CARMIL1: variants seen among roughly 807,000 people sequenced by gnomAD.
The protein encoded by CARMIL1 is F-actin-uncapping protein LRRC16A.
CARMIL1 carries 90 observed loss-of-function variants against 177.1 expected under a neutral mutation model. The ratio of observed to expected loss-of-function variants is 0.51; its 90% CI spans 0.43 to 0.61. The LOEUF (loss-of-function observed/expected upper bound fraction) is 0.61. Among genes scored for constraint, CARMIL1 ranks in the 20% least tolerant of loss-of-function variants. The pLI is 0.00. For missense variants in CARMIL1, 1,380 were observed against 1,667.0 expected (o/e 0.83, Z 3.00); for synonymous variants, 577 against 606.2 (o/e 0.95, Z 0.71).
intron 5 of CARMIL1, 49 bp from the exon 6 acceptor site, chr6:25,449,849 A>G: frequency 9.5e-7 from 1 of 1,052,730 alleles, no homozygotes; most frequent in Non-Finnish European, 1.4e-6. Context: ...TTCTATGTGC[A>G]GTCAAAAAGT....
At chr6:25,548,762 G>A (rs1422897551) in intron 26 of CARMIL1, among the ~76,000 whole-genome samples, 3 of 152,126 alleles carry the variant, frequency 2.0e-5, no homozygotes, top group Non-Finnish European at 4.4e-5. Context: ...ATACTGATCA[G>A]GGCCATTAAA....
At chr6:25,396,116 A>G (rs1793364267) in intron 2 of CARMIL1, among the ~76,000 whole-genome samples, 1 of 152,090 alleles carries the variant, frequency 6.6e-6, no homozygotes, top group African/African-American at 2.4e-5. Flanking sequence ...TTTTGACAGC[A>G]CTACCTGGAG....
At chr6:25,549,029 G>T (rs1329873797) in intron 26 of CARMIL1, among the ~76,000 whole-genome samples, 2 of 152,202 alleles carry the variant, frequency 1.3e-5, no homozygotes, top group Admixed American at 6.5e-5. Context: ...CAGAATATTT[G>T]CTGGATTAGT....
chr6:25,383,873 C>T (rs937400877), intron 2 of CARMIL1, among the ~76,000 whole-genome samples: 1 of 152,174 alleles, frequency 6.6e-6, no homozygotes, highest in Admixed American at 6.5e-5. Context: ...GAGTCTCGCT[C>T]TGTCGCCCAG....
chr6:25,281,557 G>T (rs1423118778), intron 1 of CARMIL1, among the ~76,000 whole-genome samples: 4 of 152,150 alleles, frequency 2.6e-5, no homozygotes, highest in African/African-American at 9.7e-5. Context: ...TTTAAAAGTT[G>T]AGTTTGACCT....
At chr6:25,314,797 T>C (rs1581536307) in intron 2 of CARMIL1, among the ~76,000 whole-genome samples, 1 of 152,184 alleles carries the variant, frequency 6.6e-6, no homozygotes, top group East Asian at 1.9e-4. Flanking sequence ...AAAATAACTT[T>C]TATTTTTATG....
chr6:25,380,008 T>TTTTTTTTTTTTTTTTTTTTTTTTTTTG (rs1581738733), intron 2 of CARMIL1, among the ~76,000 whole-genome samples: 1 of 152,070 alleles, frequency 6.6e-6, no homozygotes, highest in Non-Finnish European at 1.5e-5. Context: ...TTCTGCTCTT[T>TTTTTTTTTTTTTTTTTTTTTTTTTTTG]AAGGACTCTC....
At position 25,279,470 on chromosome 6, in the gene CARMIL1, G is replaced by A. The variant is rs996988265; in HGVS notation, c.-326G>A. ...GGCCCAAGCCCCGCCGGGGACCAGC[G>A]AGCCGGGAGGAGGAGCAGGCGCCAC... is the stretch of plus-strand genomic sequence containing the variant. On this transcript the variant is annotated 5_prime_UTR_variant, in exon 1 of 37. Transcript: ENST00000329474. 9 of 438,848 alleles carry A rather than the reference G, an allele frequency of 2.1e-5. No homozygotes were observed. Among genetic ancestry groups the A allele is most frequent in the African/African-American group, 1.6e-4 (8 of 48,818 alleles). 27.2% of individuals were successfully genotyped at this position (438,848 alleles called of 1,614,324 possible).
chr6:25,441,333 A>ATGTGTGTG (rs1211206689), intron 5 of CARMIL1, among the ~76,000 whole-genome samples: 1,419 of 66,840 alleles, frequency 0.021, 23 homozygotes, highest in African/African-American at 0.059. Context: ...ATATATATAT[A>ATGTGTGTG]TATATGTGTG....
rs1805299965 is a variant in CARMIL1 at position 25,509,899 on chromosome 6, G to T, written c.1477+162G>T. On this transcript the variant is annotated intron_variant, in intron 18 of 36. Coordinates refer to ENST00000329474, the MANE Select transcript of CARMIL1 (RefSeq NM_017640.6). This position sits in a 1 kb window ranked among gnomAD's most constrained non-coding sequence, Gnocchi z 4.1. Reference sequence around the variant, plus strand: ...TTAAATTTAACAATGGGGTATATTTGTAGAATAGATCTGTGCCAGAGTCTT... The same window carrying T: ...TTAAATTTAACAATGGGGTATATTTTTAGAATAGATCTGTGCCAGAGTCTT... 6.6e-6 allele frequency among the ~76,000 whole-genome samples: 1 copy of T among 152,132 alleles called. No homozygotes were observed. The highest frequency in any genetic ancestry group is 6.5e-5 in the Admixed American group (1 of 15,272).
intron 13 of CARMIL1, among the ~76,000 whole-genome samples, chr6:25,489,706 T>G (rs778918610): frequency 3.3e-5 from 5 of 152,236 alleles, no homozygotes; most frequent in Non-Finnish European, 5.9e-5. Flanking sequence ...AGGCAGGAAG[T>G]ACAAATGAAG....
At chr6:25,488,359 G>C (rs966972570) in intron 12 of CARMIL1, 123 bp from the exon 13 acceptor site, 1 of 761,570 alleles carries the variant, frequency 1.3e-6, no homozygotes. Flanking sequence ...ACCTTTCAGG[G>C]ACAGTGCTCA....
chr6:25,600,684 G>A lies in CARMIL1; in HGVS notation c.3490G>A (p.Gly1164Ser). 7 of 1,600,904 alleles carry A rather than the reference G, an allele frequency of 4.4e-6. No individual in the cohort carries two copies. Among genetic ancestry groups the A allele is most frequent in the Non-Finnish European group, 6.0e-6 (7 of 1,173,386 alleles). Residue 1164 changes from glycine (G) to serine (S), a missense_variant, in exon 33 of 37, where the codon GGC (glycine) becomes AGC (serine). Transcript: ENST00000329474. Reference sequence around the variant, plus strand: ...GCGGAGGTATGGGGTCCAGGTGATGGGCAGTGGTCTGCTGGCAGAGATGAA... The same window carrying A: ...GCGGAGGTATGGGGTCCAGGTGATGAGCAGTGGTCTGCTGGCAGAGATGAA... ...AGRRYGVQVM[G>S]SGLLAEMKAK...
At chr6:25,494,083 A>T (rs930772348) in intron 15 of CARMIL1, among the ~76,000 whole-genome samples, 2 of 149,020 alleles carry the variant, frequency 1.3e-5, no homozygotes, top group East Asian at 3.9e-4. Flanking sequence ...TATACATTAA[A>T]TATTATTATT....
chr6:25,324,007 A>G (rs1197101448), intron 2 of CARMIL1, among the ~76,000 whole-genome samples: 1 of 152,242 alleles, frequency 6.6e-6, no homozygotes, highest in Non-Finnish European at 1.5e-5. Context: ...CAGAGAAAAG[A>G]GATAGAGGAC....
intron 2 of CARMIL1, among the ~76,000 whole-genome samples, chr6:25,293,270 G>A (rs920269843): frequency 9.4e-6 from 1 of 106,248 alleles, no homozygotes; most frequent in Non-Finnish European, 1.7e-5. Context: ...TGCTTGGTGT[G>A]TGTGTGTGTG....
At chr6:25,430,222 C>CT (rs34183473) in intron 4 of CARMIL1, among the ~76,000 whole-genome samples, 22,621 of 138,664 alleles carry the variant, frequency 0.16, 2,106 homozygotes, top group East Asian at 0.3. Context: ...ATTGGTTTGT[C>CT]TTTTTTTTTT....
At position 25,565,358 on chromosome 6, in the gene CARMIL1, G is replaced by C. The variant is rs117453296; in HGVS notation, c.2742+8508G>C. Among the ~76,000 whole-genome samples, 246 of 152,322 alleles carry C rather than the reference G, an allele frequency of 1.6e-3. 7 individuals carry two copies. In the East Asian group the frequency reaches 0.035, roughly 22 times the overall value. On this transcript the variant is annotated intron_variant, in intron 29 of 36. Transcript: ENST00000329474. The stretch of plus-strand genomic sequence containing the variant: ...TTCTGTTTTGTTCATCAAGATTGAG[G>C]TACTCACAAGGCCCTGGTTGTGATG...
In CARMIL1 at chr6:25,558,028, A is replaced by T. The variant is rs984208510; in HGVS notation, c.2742+1178A>T. Among the ~76,000 whole-genome samples, 1 of 152,170 alleles carries T rather than the reference A, an allele frequency of 6.6e-6. No individual in the cohort carries two copies. Among genetic ancestry groups the T allele is most frequent in the African/African-American group, 2.4e-5 (1 of 41,456 alleles). On this transcript the variant is annotated intron_variant, in intron 29 of 36. Transcript: ENST00000329474. The surrounding 1 kb of genome is among the most constrained non-coding windows in gnomAD (Gnocchi z 4.1). ...CTGCACATATATTTAATCTGGGTGG[A>T]GGAAATTGTCAAGTTTTTAAAAACT...
Sources: allele counts gnomAD v4.1 joint callset (sites outside exome capture counted in the v4.1 genomes callset), GRCh38; gene constraint gnomAD v4.1.1; non-coding constraint Gnocchi (gnomAD v3.1); transcripts MANE v1.5; gene names NCBI Gene and HGNC (gene_info 2026-07-23, HGNC 2026-07-21).